STARD13: variants seen among roughly 807,000 people sequenced by gnomAD.
STARD13 encodes the protein stAR-related lipid transfer protein 13.
A neutral mutation model predicts 106.4 loss-of-function variants in STARD13; 62 were observed. That is an observed-to-expected ratio of 0.58 (90% CI 0.48 to 0.72). The LOEUF is 0.72. STARD13 is among the 30% of genes least tolerant of loss of function. The probability of loss-of-function intolerance (pLI) is 0.00; values close to 1 mark genes in which losing one functional copy is unlikely to be tolerated. For missense variants in STARD13, 1,387 were observed against 1,424.0 expected, an observed-to-expected ratio of 0.97 and a Z score of 0.42; for synonymous variants, 565 against 553.0, an observed-to-expected ratio of 1.02 and a Z score of -0.31.
At chr13:33,319,202 A>ACTGAATGAAT (rs1566136813) in intron 1 of STARD13, among the ~76,000 whole-genome samples, 2 of 152,274 alleles carry the variant, frequency 1.3e-5, no homozygotes, top group Non-Finnish European at 1.5e-5. Flanking sequence ...ACAATGGAAT[A>ACTGAATGAAT]TTATTCAGTA....
intron 1 of STARD13, among the ~76,000 whole-genome samples, chr13:33,225,412 TA>T (rs754425534): frequency 2.0e-4 from 31 of 152,248 alleles, no homozygotes; most frequent in Non-Finnish European, 4.1e-4. Context: ...CTGTTCCTTC[TA>T]ACTTTTATTT....
the STARD13 span, among the ~76,000 whole-genome samples, chr13:33,527,643 T>A: frequency 6.6e-6 from 1 of 151,996 alleles, no homozygotes; most frequent in African/African-American, 2.4e-5. Context: ...ATTCCTTTAT[T>A]CATCCTGTTC....
chr13:33,233,609 C>T (rs868324634), intron 1 of STARD13, among the ~76,000 whole-genome samples: 1 of 152,224 alleles, frequency 6.6e-6, no homozygotes, highest in Non-Finnish European at 1.5e-5. Flanking sequence ...GAGCTCAGGA[C>T]CCATCAAGTG....
chr13:33,592,768 G>A, the STARD13 span, among the ~76,000 whole-genome samples: 1 of 152,186 alleles, frequency 6.6e-6, no homozygotes, highest in African/African-American at 2.4e-5. Flanking sequence ...AACTTAATGA[G>A]TTGAAATAGT....
chr13:33,175,580 T>G (rs1230495269), intron 1 of STARD13, among the ~76,000 whole-genome samples: 1 of 152,156 alleles, frequency 6.6e-6, no homozygotes, highest in Non-Finnish European at 1.5e-5. Context: ...TGTCTTGATA[T>G]TGGCTCTCAG....
At chr13:33,350,423 G>A (rs538526146) in exon 1 of STARD13, 5 of 1,529,098 alleles carry the variant, frequency 3.3e-6, no homozygotes, top group East Asian at 5.0e-5. Flanking sequence ...TTTTAGATCC[G>A]TCCTCATAAC....
chr13:33,557,173 C>G, the STARD13 span, among the ~76,000 whole-genome samples: 61 of 151,340 alleles, frequency 4.0e-4, no homozygotes, highest in African/African-American at 1.4e-3. Context: ...ATATTGTTTC[C>G]CCCCTCCACT....
chr13:33,134,181 CG>C (rs2138193179), intron 4 of STARD13, among the ~76,000 whole-genome samples: 1 of 152,092 alleles, frequency 6.6e-6, no homozygotes, highest in East Asian at 1.9e-4. Flanking sequence ...TGCTACACAA[CG>C]GGGTCCAATC....
chr13:33,504,099 G>A, the STARD13 span, among the ~76,000 whole-genome samples: 3 of 152,112 alleles, frequency 2.0e-5, no homozygotes, highest in African/African-American at 7.2e-5. Context: ...AAAAAGTCTG[G>A]AAACAATGGG....
chr13:33,132,887 T>C (rs972252034), intron 4 of STARD13, among the ~76,000 whole-genome samples: 7 of 152,214 alleles, frequency 4.6e-5, no homozygotes, highest in African/African-American at 7.2e-5. Flanking sequence ...ACTCCCTCTT[T>C]TCCTGTGATT....
chr13:33,231,515 G>T (rs1888920316), intron 1 of STARD13, among the ~76,000 whole-genome samples: 1 of 152,178 alleles, frequency 6.6e-6, no homozygotes, highest in Non-Finnish European at 1.5e-5. Context: ...ATGAATGAGG[G>T]ACTGGAGGAG....
the STARD13 span, among the ~76,000 whole-genome samples, chr13:33,491,772 A>G: frequency 6.6e-6 from 1 of 152,238 alleles, no homozygotes; most frequent in Non-Finnish European, 1.5e-5. Flanking sequence ...GTTCTGAGGA[A>G]TAAGGTTTGA....
At chr13:33,562,076 A>C in the STARD13 span, among the ~76,000 whole-genome samples, 2 of 146,822 alleles carry the variant, frequency 1.4e-5, no homozygotes, top group Admixed American at 7.0e-5. Context: ...TTGATTCTGA[A>C]CATCATTTAA....
intron 1 of STARD13, among the ~76,000 whole-genome samples, chr13:33,175,447 C>G (rs746316662): frequency 6.6e-6 from 1 of 152,176 alleles, no homozygotes. Context: ...AACCACCAAG[C>G]CAGTAGAGTC....
At chr13:33,623,948 T>C in the STARD13 span, among the ~76,000 whole-genome samples, 3 of 152,180 alleles carry the variant, frequency 2.0e-5, no homozygotes, top group East Asian at 1.9e-4. Context: ...ATTGAAGAGA[T>C]TGATAAAACA....
At chr13:33,630,619 C>T in the STARD13 span, among the ~76,000 whole-genome samples, 2 of 152,092 alleles carry the variant, frequency 1.3e-5, no homozygotes, top group African/African-American at 2.4e-5. Context: ...TAATTTTATC[C>T]AAGAGTTATG....
chr13:33,404,896 C>G, the STARD13 span, among the ~76,000 whole-genome samples: 1 of 151,902 alleles, frequency 6.6e-6, no homozygotes, highest in South Asian at 2.1e-4. Flanking sequence ...CCTGCCTCAG[C>G]CTCTCGAGGA....
chr13:33,606,773 G>A, the STARD13 span, among the ~76,000 whole-genome samples: 74 of 152,292 alleles, frequency 4.9e-4, no homozygotes, highest in East Asian at 0.013. Context: ...GGTGTTATTG[G>A]GCTGAAATCC....
chr13:33,637,331 C>T, the STARD13 span, among the ~76,000 whole-genome samples: 1 of 152,138 alleles, frequency 6.6e-6, no homozygotes, highest in Non-Finnish European at 1.5e-5. Context: ...ATTTCCACCA[C>T]CACATTACAG....
Sources: gnomAD v4.1 joint callset for allele counts (sites outside exome capture counted in the v4.1 genomes callset) on GRCh38, gnomAD v4.1.1 for gene constraint, MANE v1.5 for transcripts, NCBI Gene and HGNC (gene_info 2026-07-23, HGNC 2026-07-21) for gene names.